Variants in F7 observed in about 807,000 individuals in gnomAD.
F7 encodes the protein FVII coagulation protein.
Under a neutral mutation model 47.5 loss-of-function variants are expected in F7, and 38 were observed. The observed-to-expected ratio is 0.80, with a 90% confidence interval of 0.62 to 1.05. F7 has a LOEUF of 1.05. Among genes scored for constraint, F7 ranks in the 50% least tolerant of loss-of-function variants. The pLI is 0.00. For synonymous variants in F7, 244 were observed against 258.5 expected (o/e 0.94, Z 0.54); for missense variants, 575 against 605.4 (o/e 0.95, Z 0.53).
At chr13:113,115,135 C>T (rs1208225131) in intron 4 of F7, among the ~76,000 whole-genome samples, 1 of 152,222 alleles carries the variant, frequency 6.6e-6, no homozygotes, top group Admixed American at 6.5e-5. Flanking sequence ...TCCCCTTGCC[C>T]ATGTCAACCA....
At chr13:113,109,535 G>A (rs1037554965) in intron 1 of F7, among the ~76,000 whole-genome samples, 20 of 152,136 alleles carry the variant, frequency 1.3e-4, no homozygotes, top group African/African-American at 4.3e-4. Flanking sequence ...CTTCTTCCGC[G>A]CTCAGTAACC....
At chr13:113,108,699 C>T (rs2036022288) in intron 1 of F7, among the ~76,000 whole-genome samples, 1 of 128,726 alleles carries the variant, frequency 7.8e-6, no homozygotes, top group South Asian at 2.9e-4. Flanking sequence ...GTGAGTGTCC[C>T]GGGGGTGTGG....
rs954784288 is a variant in F7 at position 113,119,274 on chromosome 13, G to C, written c.*266G>C. On this transcript the variant is annotated 3_prime_UTR_variant, in exon 8 of 8. Coordinates refer to ENST00000346342, the MANE Select transcript of F7 (RefSeq NM_019616.4). ...CACAGAGATGGAATAGAAAAGATGA[G>C]AGGCAGAGGCAGACAGGCGCTGGAC... 1 of 512,934 alleles carries C rather than the reference G, an allele frequency of 1.9e-6. No homozygotes were observed. Among genetic ancestry groups the C allele is most frequent in the Non-Finnish European group, 3.5e-6 (1 of 287,494 alleles). 31.8% of individuals were successfully genotyped at this position (512,934 alleles called of 1,614,324 possible). A position where few individuals can be genotyped will look rare whatever the true frequency, so the allele number is the denominator to read the frequency against.
chr13:113,114,273 C>A (rs2036155072), intron 4 of F7, among the ~76,000 whole-genome samples: 1 of 152,162 alleles, frequency 6.6e-6, no homozygotes, highest in African/African-American at 2.4e-5. Context: ...TCCCACCACG[C>A]AGGACCGCTT....
intron 1 of F7, among the ~76,000 whole-genome samples, chr13:113,108,802 C>G (rs541929573): frequency 1.3e-4 from 9 of 66,858 alleles, no homozygotes; most frequent in African/African-American, 2.2e-4. Flanking sequence ...GTGGGTGTCC[C>G]GGGGGCGTGG....
intron 1 of F7, among the ~76,000 whole-genome samples, chr13:113,109,941 C>T (rs2036056842): frequency 6.6e-6 from 1 of 152,234 alleles, no homozygotes; most frequent in African/African-American, 2.4e-5. Flanking sequence ...CTCACCAGCC[C>T]CGTCTTCCCA....
intron 2 of F7, among the ~76,000 whole-genome samples, chr13:113,112,693 C>T (rs373689601): frequency 1.3e-4 from 18 of 139,934 alleles, no homozygotes; most frequent in East Asian, 7.4e-4. Context: ...ACCCACAGGA[C>T]AACTCACAGA....
intron 1 of F7, among the ~76,000 whole-genome samples, chr13:113,108,782 TCCCAGGGG>T (rs1181054339): frequency 2.1e-4 from 19 of 88,718 alleles, no homozygotes; most frequent in East Asian, 1.1e-3. Flanking sequence ...AGTGTGGGTG[TCCCAGGGG>T]TGTGGGTGTC....
rs777825471 is a variant in F7 at position 113,118,382 on chromosome 13, A to G, written c.740-31A>G. 2.2e-5 allele frequency: 35 copies of G among 1,567,246 alleles called. No individual in the cohort carries two copies. In the South Asian group the frequency reaches 3.4e-4, roughly 15 times the overall value. On this transcript the variant is annotated intron_variant, in intron 7 of 7. Coordinates refer to ENST00000346342, the MANE Select transcript of F7 (RefSeq NM_019616.4). ...CAGGGGGTGAGGTGGCAGGTGGTGG[A>G]AAGGGCCTGAGGGGGGCTTCTTCCT...
intron 1 of F7, chr13:113,106,694 G>A: frequency 1.5e-6 from 1 of 677,120 alleles, no homozygotes; most frequent in Non-Finnish European, 2.6e-6. Context: ...GGCGAGTAGG[G>A]GGTGTGGCGT....
intron 5 of F7, 117 bp downstream of exon 5, chr13:113,115,917 CA>C: frequency 7.0e-7 from 1 of 1,425,268 alleles, no homozygotes; most frequent in Non-Finnish European, 9.7e-7. Context: ...ACTAACTATG[CA>C]CTGACCAATT....
intron 4 of F7, among the ~76,000 whole-genome samples, chr13:113,115,444 G>T (rs528574727): frequency 3.3e-5 from 5 of 152,332 alleles, no homozygotes; most frequent in Admixed American, 2.0e-4. Context: ...GCCAGCCACT[G>T]GCAAGGCTGT....
At position 113,113,124 on chromosome 13, in the gene F7, C is replaced by T. The variant is rs1429190106; in HGVS notation, c.226-628C>T. Among the ~76,000 whole-genome samples the T allele has an allele frequency of 6.6e-6, 1 of 151,994 alleles. No homozygotes were observed. Among genetic ancestry groups the T allele is most frequent in the Non-Finnish European group, 1.5e-5 (1 of 67,984 alleles). On this transcript the variant is annotated intron_variant, in intron 2 of 7. Transcript: ENST00000346342. The surrounding 1 kb of genome is among the most constrained non-coding windows in gnomAD (Gnocchi z 4.1). ...CTCACAGAACCACATCTCATATGCACAAGACACCTCACACTCAGGACACCT... is the reference window on the plus strand; with the variant it reads ...CTCACAGAACCACATCTCATATGCATAAGACACCTCACACTCAGGACACCT...
chr13:113,115,897 T>C, intron 5 of F7, 97 bp downstream of exon 5: 1 of 1,529,728 alleles, frequency 6.5e-7, no homozygotes. Flanking sequence ...TGGCTTCACA[T>C]CTACTGAGCA....
intron 6 of F7, 33 bp downstream of exon 6, chr13:113,116,908 C>T (rs1407486043): frequency 6.5e-7 from 1 of 1,539,596 alleles, no homozygotes; most frequent in African/African-American, 1.4e-5. Flanking sequence ...GATTCCAAGC[C>T]CTGAGGGTCT....
Position 113,119,056 on chromosome 13 carries a change from G to A in F7, c.*48G>A. On this transcript the variant is annotated 3_prime_UTR_variant, in exon 8 of 8. Transcript: ENST00000346342. ...GAGAAAGCCAAGGCTGCGTCGAACT[G>A]TCCTGGCACCAAATCCCATATATTC... The A allele has an allele frequency of 6.4e-7, 1 of 1,559,516 alleles. No homozygotes were observed. The highest frequency in any genetic ancestry group is 8.7e-7 in the Non-Finnish European group (1 of 1,148,360).
chr13:113,108,730 G>A (rs1490141885), intron 1 of F7, among the ~76,000 whole-genome samples: 7 of 111,028 alleles, frequency 6.3e-5, no homozygotes, highest in Admixed American at 8.7e-5. Flanking sequence ...GGTCGTGGGT[G>A]TCCCGGGAGT....
chr13:113,108,605 A>T (rs1276163094), intron 1 of F7, among the ~76,000 whole-genome samples: 3 of 30,554 alleles, frequency 9.8e-5, no homozygotes, highest in East Asian at 1.2e-3. Flanking sequence ...CCCGGAGGCG[A>T]GGGTGTCCCA....
intron 1 of F7, among the ~76,000 whole-genome samples, chr13:113,109,245 G>A (rs377349573): frequency 3.8e-4 from 56 of 148,852 alleles, no homozygotes; most frequent in African/African-American, 1.3e-3. Flanking sequence ...TGGGTGTCCC[G>A]GGGGTCGTGG....
Sources: gnomAD v4.1 joint callset for allele counts (sites outside exome capture counted in the v4.1 genomes callset) on GRCh38, gnomAD v4.1.1 for gene constraint, Gnocchi (gnomAD v3.1) non-coding constraint, MANE v1.5 for transcripts, NCBI Gene and HGNC (gene_info 2026-07-23, HGNC 2026-07-21) for gene names.